RSPH14: variants seen among roughly 807,000 people sequenced by gnomAD.
The protein encoded by RSPH14 is radial spoke head 14 homolog, also known as rhabdoid tumor deletion region gene 1.
A neutral mutation model predicts 26.7 loss-of-function variants in RSPH14; 20 were observed. The observed-to-expected ratio is 0.75, with a 90% CI of 0.53 to 1.09. The LOEUF (loss-of-function observed/expected upper bound fraction) is 1.09, where lower values mean the gene tolerates loss of function less well. RSPH14 is among the 50% of genes least tolerant of loss of function. RSPH14 has a pLI of 0.00. For missense variants in RSPH14, 449 were observed against 457.2 expected, an observed-to-expected ratio of 0.98 and a Z score of 0.16; for synonymous variants, 177 against 189.3, an observed-to-expected ratio of 0.93 and a Z score of 0.53.
the RSPH14 span, chr22:23,179,918 C>G: frequency 3.7e-6 from 1 of 269,382 alleles, no homozygotes; most frequent in South Asian, 1.1e-4. Context: ...AGGAACTTAC[C>G]TGCGTCTCCA....
At chr22:23,121,720 CT>C (rs10598505) in intron 4 of RSPH14, among the ~76,000 whole-genome samples, 8,743 of 123,052 alleles carry the variant, frequency 0.071, 750 homozygotes, top group African/African-American at 0.25. Context: ...AGAAAAGTTC[CT>C]TTTTTTTTTT....
At chr22:23,065,521 T>C (rs569987526) in intron 4 of RSPH14, among the ~76,000 whole-genome samples, 2 of 102,254 alleles carry the variant, frequency 2.0e-5, no homozygotes, top group South Asian at 6.9e-4. Context: ...TTTTATTTAA[T>C]ATGCACAGAT....
chr22:23,167,157 G>A, the RSPH14 span, among the ~76,000 whole-genome samples: 1 of 152,054 alleles, frequency 6.6e-6, no homozygotes, highest in Non-Finnish European at 1.5e-5. Flanking sequence ...GTGGGAATCT[G>A]CTGCAGGTGC....
chr22:23,074,716 C>A (rs953416900), intron 4 of RSPH14, among the ~76,000 whole-genome samples: 1 of 152,128 alleles, frequency 6.6e-6, no homozygotes, highest in African/African-American at 2.4e-5. Flanking sequence ...TGAGGATTGA[C>A]GGGCAAGTGA....
chr22:23,059,423 C>G lies in RSPH14; in HGVS notation c.*39G>C. 1.3e-6 allele frequency: 2 copies of G among 1,545,694 alleles called. No individual in the cohort carries two copies. The highest frequency in any genetic ancestry group is 2.8e-5 in the African/African-American group (2 of 72,704). On this transcript the variant is annotated 3_prime_UTR_variant, in exon 7 of 7. Transcript: ENST00000216036. Reference sequence around the variant, plus strand: ...GCCATTCGGACCCGAGATAAAGAGACTTAGCACATTTATTCACTCACAGAG... The same window carrying G: ...GCCATTCGGACCCGAGATAAAGAGAGTTAGCACATTTATTCACTCACAGAG...
At chr22:23,162,747 G>C in the RSPH14 span, 1 of 456,258 alleles carries the variant, frequency 2.2e-6, no homozygotes, top group Non-Finnish European at 4.4e-6. Context: ...CGAGCACCTT[G>C]CAGGCAGCCT....
At position 23,138,960 on chromosome 22, in the gene RSPH14, A is replaced by C. The variant is rs77777144; in HGVS notation, c.200-18T>G. Reference sequence around the variant, plus strand: ...CATACAGCCTAGAAAAAAAAAAAAAAACAAACAAACCAACCCTTGAATTTT... The same window carrying C: ...CATACAGCCTAGAAAAAAAAAAAAACACAAACAAACCAACCCTTGAATTTT... On this transcript the variant is annotated intron_variant, in intron 2 of 6. Coordinates refer to ENST00000216036, the MANE Select transcript of RSPH14 (RefSeq NM_014433.3). 7.1e-7 allele frequency: 1 copy of C among 1,400,148 alleles called. No individual in the cohort carries two copies. Among genetic ancestry groups the C allele is most frequent in the Non-Finnish European group, 9.8e-7 (1 of 1,025,556 alleles). 86.7% of individuals were successfully genotyped at this position (1,400,148 alleles called of 1,614,324 possible). A position where few individuals can be genotyped will look rare whatever the true frequency, so the allele number is the denominator to read the frequency against.
intron 4 of RSPH14, among the ~76,000 whole-genome samples, chr22:23,120,068 G>A (rs900708155): frequency 6.6e-6 from 1 of 152,186 alleles, no homozygotes; most frequent in East Asian, 1.9e-4. Flanking sequence ...TGAGGCTGCC[G>A]CAGTGGCGGA....
chr22:23,146,812 TGAG>T, upstream of RSPH14: 1 of 1,417,756 alleles, frequency 7.1e-7, no homozygotes, highest in Non-Finnish European at 9.2e-7. Flanking sequence ...AGATTTACCT[TGAG>T]GAGCTGGGAG....
rs183710692 is a variant in RSPH14 at position 23,087,662 on chromosome 22, G to C, written c.422-23529C>G. Among the ~76,000 whole-genome samples the C allele has an allele frequency of 1.6e-4, 25 of 152,316 alleles. No homozygotes were observed. The East Asian group carries it at 4.4e-3, about 27-fold the overall frequency. ...TTTTTAAGGATAACTTGGTGGATGG[G>C]GGGTAGCCAGTGAGCCAGGAGTGCT... On this transcript the variant is annotated intron_variant, in intron 4 of 6. Transcript: ENST00000216036.
the RSPH14 span, chr22:23,162,888 T>A: frequency 2.8e-6 from 1 of 359,304 alleles, no homozygotes; most frequent in Non-Finnish European, 5.5e-6. Flanking sequence ...CTTCAACATA[T>A]TTTTTGTAGT....
rs769620785 is a variant in RSPH14 at position 23,063,981 on chromosome 22, C to T, written c.574G>A (p.Val192Met). ...DATEALGSNVVLVLKQKLLSA... is the reference protein window; with the variant it reads ...DATEALGSNVMLVLKQKLLSA... ...AGGAGCTTCTGCTTCAGGACAAGCA[C>T]CACATTGCTGCCCAGGGCCTCGGTG... Residue 192 changes from valine (V) to methionine (M), a missense_variant, in exon 5 of 7, where the codon GTG becomes ATG. Physicochemically the swap from Val to Met is conservative, Grantham distance 21 (BLOSUM62 1). Coordinates refer to ENST00000216036, the MANE Select transcript of RSPH14 (RefSeq NM_014433.3). 1.2e-6 allele frequency: 2 copies of T among 1,614,202 alleles called. No homozygotes were observed. Among genetic ancestry groups the T allele is most frequent in the Non-Finnish European group, 1.7e-6 (2 of 1,180,030 alleles).
the RSPH14 span, chr22:23,152,417 C>T: frequency 4.4e-6 from 7 of 1,605,244 alleles, no homozygotes; most frequent in Admixed American, 1.7e-5. Context: ...CTGAAGACAC[C>T]CTGGAAGGCA....
At chr22:23,075,649 A>T (rs186059254) in intron 4 of RSPH14, among the ~76,000 whole-genome samples, 8 of 152,374 alleles carry the variant, frequency 5.3e-5, no homozygotes, top group Middle Eastern at 3.4e-3. Flanking sequence ...GCCACAGTGC[A>T]GGGAGGGGCC....
At chr22:23,177,242 CT>C in the RSPH14 span, among the ~76,000 whole-genome samples, 6 of 152,196 alleles carry the variant, frequency 3.9e-5, no homozygotes, top group South Asian at 1.2e-3. Flanking sequence ...ATCACCTCCC[CT>C]GGCAAGCCTT....
chr22:23,177,837 T>C, the RSPH14 span, among the ~76,000 whole-genome samples: 1 of 152,214 alleles, frequency 6.6e-6, no homozygotes, highest in African/African-American at 2.4e-5. Context: ...CTTGCTCTGT[T>C]ACCCAGGCTG....
At chr22:23,139,632 A>G (rs1233445909) in intron 2 of RSPH14, among the ~76,000 whole-genome samples, 2 of 152,144 alleles carry the variant, frequency 1.3e-5, no homozygotes, top group East Asian at 3.9e-4. Context: ...AAAAATAAAT[A>G]AATAAATAAA....
At chr22:23,155,122 C>T in the RSPH14 span, among the ~76,000 whole-genome samples, 2 of 151,968 alleles carry the variant, frequency 1.3e-5, no homozygotes, top group African/African-American at 4.8e-5. Flanking sequence ...CGAAACTCCA[C>T]CTCAAAAAAA....
intron 4 of RSPH14, among the ~76,000 whole-genome samples, chr22:23,130,084 G>GAAGA (rs1221656067): frequency 0.024 from 1,216 of 51,638 alleles, 37 homozygotes; most frequent in Middle Eastern, 0.04. Context: ...AGAAAGAAAG[G>GAAGA]AAGAAAGAAA....
Sources: allele counts gnomAD v4.1 joint callset (sites outside exome capture counted in the v4.1 genomes callset), GRCh38; gene constraint gnomAD v4.1.1; transcripts MANE v1.5; gene names NCBI Gene and HGNC (gene_info 2026-07-23, HGNC 2026-07-21).